The following PKM variants were observed in gnomAD, a reference collection of about 807,000 sequenced individuals.
PKM encodes pyruvate kinase PKM.
In PKM, 18 loss-of-function variants were observed where a neutral mutation model predicts 49.8. The observed-to-expected ratio is 0.36, with a 90% CI of 0.25 to 0.54. The LOEUF (loss-of-function observed/expected upper bound fraction) is 0.54, where lower values mean the gene tolerates loss of function less well. Ranked by LOEUF, PKM falls within the 20% of genes least tolerant of loss-of-function variation. The pLI is 0.89. For synonymous variants in PKM, 239 were observed against 261.8 expected (o/e 0.91, Z 0.84); for missense variants, 508 against 713.8 (o/e 0.71, Z 3.28).
chr15:72,217,594 A>C, intron 2 of PKM, 94 bp from the exon 3 acceptor site: 1 of 837,160 alleles, frequency 1.2e-6, no homozygotes, highest in Admixed American at 1.9e-5. Context: ...TTTTCCCTGA[A>C]AACTTTTCCT....
Position 72,200,370 on chromosome 15 carries a change from G to C in PKM, c.1489+104C>G. ...TGGGCCTTTTGCCCCACTAAGGTCT[G>C]TGTGTTCCCCTTTCTATTCCCCAAA... On this transcript the variant is annotated intron_variant, in intron 10 of 10. Transcript: ENST00000335181. The surrounding 1 kb of genome is among the most constrained non-coding windows in gnomAD (Gnocchi z 4.6). The C allele has an allele frequency of 9.7e-7, 1 of 1,029,736 alleles. No individual in the cohort carries two copies. 63.8% of individuals were successfully genotyped at this position (1,029,736 alleles called of 1,614,324 possible).
At chr15:72,215,798 G>C (rs1191645216) in intron 3 of PKM, among the ~76,000 whole-genome samples, 1 of 151,950 alleles carries the variant, frequency 6.6e-6, no homozygotes, top group Non-Finnish European at 1.5e-5. Context: ...ACAGCAGCAG[G>C]GATCAACAGC....
chr15:72,230,025 C>A (rs1238239899), intron 1 of PKM, among the ~76,000 whole-genome samples: 1 of 152,238 alleles, frequency 6.6e-6, no homozygotes, highest in Non-Finnish European at 1.5e-5. Context: ...TTATCCCGCC[C>A]GTTACGAGGC....
chr15:72,223,790 T>A (rs2082589394), intron 1 of PKM, among the ~76,000 whole-genome samples: 1 of 152,020 alleles, frequency 6.6e-6, no homozygotes, highest in Non-Finnish European at 1.5e-5. Context: ...ATCTTCTAGC[T>A]AAGAGACCTG....
In PKM at chr15:72,227,755, AAAAAAAAAAAAAAAAAAAAC is replaced by A. The variant is rs1420437140; in HGVS notation, c.-14+3341_-14+3360del. Among the ~76,000 whole-genome samples the A allele has an allele frequency of 4.5e-3, 622 of 137,480 alleles. 10 individuals carry two copies. The highest frequency in any genetic ancestry group is 0.016 in the African/African-American group (575 of 34,968). The allele number at this position is 137,480 out of a possible 152,430, so 90.2% of individuals were successfully genotyped here. A position where few individuals can be genotyped will look rare whatever the true frequency, so the allele number is the denominator to read the frequency against. On this transcript the variant is annotated intron_variant, in intron 1 of 10. Coordinates refer to ENST00000335181, the MANE Select transcript of PKM (RefSeq NM_002654.6). ...GAGCAAAACTATCTCAAAAAAAAAA[AAAAAAAAAAAAAAAAAAAAC>A]AAAAAACTGAAGCAAAATAAACTAA...
At chr15:72,229,518 T>C (rs1425025891) in intron 1 of PKM, 7 of 1,267,354 alleles carry the variant, frequency 5.5e-6, no homozygotes, top group Non-Finnish European at 7.2e-6. Context: ...CTGGAGTACG[T>C]AGATTAAGAA....
rs771031079 is a variant in PKM, at chr15:72,219,076, C to A, written c.22G>T (p.Ala8Ser). 3.1e-6 allele frequency: 5 copies of A among 1,614,152 alleles called. No homozygotes were observed. Among genetic ancestry groups the A allele is most frequent in the Non-Finnish European group, 4.2e-6 (5 of 1,180,006 alleles). MSKPHSE[A>S]GTAFIQTQQL... ...TGGGTCTGAATGAAGGCAGTCCCGGCTTCACTATGGGGCTTCGACATGGCT... is the reference window on the plus strand; with the variant it reads ...TGGGTCTGAATGAAGGCAGTCCCGGATTCACTATGGGGCTTCGACATGGCT... Residue 8 changes from alanine to serine, a missense_variant, in exon 2 of 11, where the codon GCC becomes TCC. Coordinates refer to ENST00000335181, the MANE Select transcript of PKM (RefSeq NM_002654.6).
Position 72,202,251 on chromosome 15 carries a change from A to G in PKM, c.1307+203T>C, listed in dbSNP as rs577468056. ...TTGCTTTTGATCCAAATGTTCTGAC[A>G]TTCCTTATGAGTGCTACCTAGAGTC... On this transcript the variant is annotated intron_variant, in intron 9 of 10. Transcript: ENST00000335181. This position sits in a 1 kb window ranked among gnomAD's most constrained non-coding sequence, Gnocchi z 4.5. 493 of 603,348 alleles carry G rather than the reference A, an allele frequency of 8.2e-4. 1 individual carries two copies. Among genetic ancestry groups the G allele is most frequent in the Non-Finnish European group, 1.3e-3 (449 of 338,846 alleles). The allele number at this position is 603,348 out of a possible 1,614,324, so 37.4% of individuals were successfully genotyped here.
intron 5 of PKM, 64 bp downstream of exon 5, chr15:72,209,609 G>T (rs2082190945): frequency 2.1e-6 from 3 of 1,435,638 alleles, no homozygotes; most frequent in South Asian, 1.1e-5. Flanking sequence ...CATCTTCCTT[G>T]TGTCAAGGAA....
intron 1 of PKM, among the ~76,000 whole-genome samples, chr15:72,220,285 C>T (rs751183451): frequency 3.9e-5 from 6 of 152,200 alleles, no homozygotes; most frequent in Admixed American, 6.5e-5. Context: ...TCCTCTTTAG[C>T]CCTTCCCCAC....
At position 72,209,838 on chromosome 15, in the gene PKM, G is replaced by C. The variant is rs1444194803; in HGVS notation, c.400C>G (p.Leu134Val). The change falls in exon 5 of 11, where the codon CTG (leucine) becomes GTG (valine). Residue 134 changes from leucine to valine, a missense_variant. By Grantham distance (32) the Leu-to-Val change is conservative. Transcript: ENST00000335181. ...ATTTTGAGAGTGGCTCCCTTCTTCA[G>C]CTCCACCTCTGCAGTGCCGCTCTAG... Reference protein sequence around the residue: ...IKGSGTAEVELKKGATLKITL... With the variant: ...IKGSGTAEVEVKKGATLKITL... 6.2e-7 allele frequency: 1 copy of C among 1,614,064 alleles called. No homozygotes were observed. The highest frequency in any genetic ancestry group is 1.7e-5 in the Admixed American group (1 of 60,016).
chr15:72,222,106 C>G (rs924736119), intron 1 of PKM, among the ~76,000 whole-genome samples: 1 of 152,182 alleles, frequency 6.6e-6, no homozygotes, highest in African/African-American at 2.4e-5. Flanking sequence ...TTATATTGGC[C>G]TCAAACACAA....
Position 72,200,332 on chromosome 15 carries a change from G to A in PKM, c.1489+142C>T, listed in dbSNP as rs1041716179. Reference sequence around the variant, plus strand: ...CAGAATGAACATTCCCAATAAGGGAGAGGAACAGTCGCTGGGCCTTTTGCC... The same window carrying A: ...CAGAATGAACATTCCCAATAAGGGAAAGGAACAGTCGCTGGGCCTTTTGCC... On this transcript the variant is annotated intron_variant, in intron 10 of 10. Coordinates refer to ENST00000335181, the MANE Select transcript of PKM (RefSeq NM_002654.6). This position sits in a 1 kb window ranked among gnomAD's most constrained non-coding sequence, Gnocchi z 4.6. The A allele has an allele frequency of 1.3e-6, 1 of 745,878 alleles. No homozygotes were observed. The highest frequency in any genetic ancestry group is 2.4e-6 in the Non-Finnish European group (1 of 425,280). 46.2% of individuals were successfully genotyped at this position (745,878 alleles called of 1,614,324 possible). A position where few individuals can be genotyped will look rare whatever the true frequency, so the allele number is the denominator to read the frequency against.
In PKM at chr15:72,231,138, C is replaced by A; in HGVS notation, c.-36G>T. 6.1e-6 allele frequency: 2 copies of A among 328,604 alleles called. No individual in the cohort carries two copies. Among genetic ancestry groups the A allele is most frequent in the Non-Finnish European group, 1.2e-5 (2 of 161,494 alleles). The allele number at this position is 328,604 out of a possible 1,614,324, so 20.4% of individuals were successfully genotyped here. A position where few individuals can be genotyped will look rare whatever the true frequency, so the allele number is the denominator to read the frequency against. On this transcript the variant is annotated 5_prime_UTR_variant, in exon 1 of 11. Transcript: ENST00000335181. ...CACCTCCGGCGCTGACCGACTCGGG[C>A]TACGCTGCAAAGACGAAGAGATCCG...
In PKM at chr15:72,202,788, A is replaced by T; in HGVS notation, c.1141-168T>A. 2.8e-6 allele frequency: 2 copies of T among 724,732 alleles called. No individual in the cohort carries two copies. Among genetic ancestry groups the T allele is most frequent in the Admixed American group, 4.4e-5 (2 of 45,382 alleles). 44.9% of individuals were successfully genotyped at this position (724,732 alleles called of 1,614,324 possible). On this transcript the variant is annotated intron_variant, in intron 8 of 10. Coordinates refer to ENST00000335181, the MANE Select transcript of PKM (RefSeq NM_002654.6). The surrounding 1 kb of genome is among the most constrained non-coding windows in gnomAD (Gnocchi z 4.5). ...ATCACTGGAGATTCTGAGCTGAGCC[A>T]AGATCAAGACTCCACAGAAACCAGT... is the stretch of plus-strand genomic sequence containing the variant.
intron 7 of PKM, 83 bp downstream of exon 7, chr15:72,207,044 G>T: frequency 6.4e-7 from 1 of 1,555,088 alleles, no homozygotes; most frequent in Admixed American, 1.7e-5. Flanking sequence ...AATTCCATGG[G>T]AAGAGATCAG....
chr15:72,227,790 A>G (rs1039387925), intron 1 of PKM, among the ~76,000 whole-genome samples: 2 of 150,792 alleles, frequency 1.3e-5, no homozygotes, highest in Non-Finnish European at 3.0e-5. Context: ...AACTGAAGCA[A>G]AATAAACTAA....
chr15:72,200,338 C>A lies in PKM; in HGVS notation c.1489+136G>T. ...GAACATTCCCAATAAGGGAGAGGAACAGTCGCTGGGCCTTTTGCCCCACTA... is the reference window on the plus strand; with the variant it reads ...GAACATTCCCAATAAGGGAGAGGAAAAGTCGCTGGGCCTTTTGCCCCACTA... On this transcript the variant is annotated intron_variant, in intron 10 of 10. Coordinates refer to ENST00000335181, the MANE Select transcript of PKM (RefSeq NM_002654.6). This position sits in a 1 kb window ranked among gnomAD's most constrained non-coding sequence, Gnocchi z 4.6. The A allele has an allele frequency of 2.6e-6, 2 of 759,202 alleles. No homozygotes were observed. Among genetic ancestry groups the A allele is most frequent in the South Asian group, 1.5e-5 (1 of 68,160 alleles). 47.0% of individuals were successfully genotyped at this position (759,202 alleles called of 1,614,324 possible).
chr15:72,226,406 T>C (rs1025321839), intron 1 of PKM, among the ~76,000 whole-genome samples: 4 of 152,060 alleles, frequency 2.6e-5, no homozygotes, highest in African/African-American at 9.7e-5. Context: ...TGCGGTTGCC[T>C]GTAGTCCCAG....
Sources: allele counts gnomAD v4.1 joint callset (sites outside exome capture counted in the v4.1 genomes callset), GRCh38; gene constraint gnomAD v4.1.1; non-coding constraint Gnocchi (gnomAD v3.1); transcripts MANE v1.5; gene names NCBI Gene and HGNC (gene_info 2026-07-23, HGNC 2026-07-21).